RUBCN: variants seen among roughly 807,000 people sequenced by gnomAD.
The protein encoded by RUBCN is run domain Beclin-1-interacting and cysteine-rich domain-containing protein.
Under a neutral mutation model 113.2 loss-of-function variants are expected in RUBCN, and 74 were observed. That is an observed-to-expected ratio of 0.65 (90% confidence interval 0.54 to 0.79). The LOEUF (loss-of-function observed/expected upper bound fraction) is 0.79. RUBCN is among the 30% of genes least tolerant of loss of function. The pLI is 0.00. For synonymous variants in RUBCN, 480 were observed against 490.0 expected (o/e 0.98, Z 0.27); for missense variants, 1,109 against 1,251.7 (o/e 0.89, Z 1.72).
At chr3:197,676,201 G>GA (rs1241863247) in intron 18 of RUBCN, 3 of 989,910 alleles carry the variant, frequency 3.0e-6, no homozygotes, top group Non-Finnish European at 3.6e-6. Context: ...TTAGAGCCAA[G>GA]AAAATCGAGG....
chr3:197,690,308 G>A (rs186838792), intron 11 of RUBCN, among the ~76,000 whole-genome samples: 4 of 152,242 alleles, frequency 2.6e-5, no homozygotes, highest in Admixed American at 2.6e-4. Flanking sequence ...TGTGGTGGCA[G>A]CTGCCTGTAG....
chr3:197,717,419 G>A (rs1725664682), intron 2 of RUBCN, among the ~76,000 whole-genome samples: 1 of 151,764 alleles, frequency 6.6e-6, no homozygotes, highest in Admixed American at 6.6e-5. Context: ...ACTCCAGCCT[G>A]GGTGACAGAG....
At chr3:197,725,369 GCTC>G (rs1396489478) in intron 1 of RUBCN, among the ~76,000 whole-genome samples, 1 of 151,708 alleles carries the variant, frequency 6.6e-6, no homozygotes, top group Non-Finnish European at 1.5e-5. Flanking sequence ...AGTTGAATGT[GCTC>G]CTTTTTACAT....
intron 2 of RUBCN, among the ~76,000 whole-genome samples, chr3:197,705,660 T>C (rs1724221417): frequency 6.6e-6 from 1 of 150,996 alleles, no homozygotes; most frequent in Non-Finnish European, 1.5e-5. Flanking sequence ...TTGTTAAAGA[T>C]TATTTTAACC....
chr3:197,682,174 G>A (rs1287127913), intron 14 of RUBCN, among the ~76,000 whole-genome samples: 1 of 152,076 alleles, frequency 6.6e-6, no homozygotes, highest in Non-Finnish European at 1.5e-5. Context: ...CAGGAGAGAA[G>A]AGCATCCATC....
In RUBCN at chr3:197,736,729, T is replaced by A; in HGVS notation, c.-10A>T. The A allele has an allele frequency of 3.9e-6, 6 of 1,528,450 alleles. No individual in the cohort carries two copies. The highest frequency in any genetic ancestry group is 5.2e-6 in the Non-Finnish European group (6 of 1,144,578). 94.7% of individuals were successfully genotyped at this position (1,528,450 alleles called of 1,614,324 possible). A position where few individuals can be genotyped will look rare whatever the true frequency, so the allele number is the denominator to read the frequency against. On this transcript the variant is annotated 5_prime_UTR_variant, in exon 1 of 20. Transcript: ENST00000296343. ...CGCCCTCCGGCCGCATCCGGGGCGG[T>A]GAGGCCGCCTCTTCGCCCAAGAGAG...
At chr3:197,742,946 C>G (rs1323677362) in intron 1 of RUBCN, among the ~76,000 whole-genome samples, 12 of 152,202 alleles carry the variant, frequency 7.9e-5, no homozygotes, top group Admixed American at 7.9e-4. Context: ...CAATCTAGAA[C>G]CCCTGGTGGT....
intron 1 of RUBCN, among the ~76,000 whole-genome samples, chr3:197,729,213 T>C (rs1314056446): frequency 6.6e-6 from 1 of 151,860 alleles, no homozygotes; most frequent in East Asian, 1.9e-4. Context: ...CTGTTTTCAA[T>C]GGGAAAACCA....
rs1723948646 is a variant in RUBCN, at chr3:197,703,584, G to C, written c.534C>G (p.Asn178Lys). 2 of 1,613,738 alleles carry C rather than the reference G, an allele frequency of 1.2e-6. No homozygotes were observed. Among genetic ancestry groups the C allele is most frequent in the Non-Finnish European group, 1.7e-6 (2 of 1,179,854 alleles). Residue 178 changes from asparagine to lysine, a missense_variant, in exon 5 of 20, where the codon AAC becomes AAG. Physicochemically the swap from Asn to Lys is moderately conservative, Grantham distance 94 (BLOSUM62 0). Around this residue, in one of 3 missense-constraint regions of RUBCN, gnomAD observed 736 missense variants for 779.6 expected, o/e 0.94. Coordinates refer to ENST00000296343, the MANE Select transcript of RUBCN (RefSeq NM_014687.4). ...MLQCLEAVEQ[N>K]NPRLLAQIDA... ...CGATCTGAGCCAGGAGGCGGGGGTT[G>C]TTCTGTTCCACTGCTTCCAGGCACT...
intron 7 of RUBCN, among the ~76,000 whole-genome samples, chr3:197,698,078 A>G (rs969517415): frequency 6.6e-6 from 1 of 152,206 alleles, no homozygotes; most frequent in African/African-American, 2.4e-5. Flanking sequence ...AGCACACAAC[A>G]CAAACTCCAA....
At position 197,691,074 on chromosome 3, in the gene RUBCN, C is replaced by T. The variant is rs1221574626; in HGVS notation, c.1786+2641G>A. 3 of 1,288,510 alleles carry T rather than the reference C, an allele frequency of 2.3e-6. No homozygotes were observed. The Admixed American group carries it at 6.9e-5, about 30-fold the overall frequency. The allele number at this position is 1,288,510 out of a possible 1,614,324, so 79.8% of individuals were successfully genotyped here. A position where few individuals can be genotyped will look rare whatever the true frequency, so the allele number is the denominator to read the frequency against. On this transcript the variant is annotated intron_variant, in intron 11 of 19. Transcript: ENST00000296343. ...CATCCACGCTTGCAAAGTAGGCTAC[C>T]TGAGAACATCGAGGCCAGTGACACT... is the stretch of plus-strand genomic sequence containing the variant.
chr3:197,731,822 G>C (rs1451024359), intron 1 of RUBCN, among the ~76,000 whole-genome samples: 1 of 151,606 alleles, frequency 6.6e-6, no homozygotes, highest in Non-Finnish European at 1.5e-5. Flanking sequence ...CTCCCTCCGG[G>C]ACAGGGCGGC....
intron 7 of RUBCN, 97 bp from the exon 8 acceptor site, chr3:197,697,146 C>T: frequency 1.4e-6 from 1 of 708,844 alleles, no homozygotes; most frequent in South Asian, 1.4e-5. Flanking sequence ...GCACCCCTTC[C>T]CAAAGCCCTC....
chr3:197,731,385 T>C (rs1347947330), intron 1 of RUBCN, among the ~76,000 whole-genome samples: 1 of 152,204 alleles, frequency 6.6e-6, no homozygotes, highest in East Asian at 1.9e-4. Flanking sequence ...AAGTCTCCCA[T>C]GTCTACCTCT....
chr3:197,698,984 T>C (rs953929038), intron 7 of RUBCN, among the ~76,000 whole-genome samples: 2 of 152,148 alleles, frequency 1.3e-5, no homozygotes, highest in African/African-American at 4.8e-5. Flanking sequence ...CCAGAAGCTG[T>C]TGAGAGACTG....
At chr3:197,742,076 T>G (rs2109022991) in intron 1 of RUBCN, among the ~76,000 whole-genome samples, 1 of 151,950 alleles carries the variant, frequency 6.6e-6, no homozygotes, top group Non-Finnish European at 1.5e-5. Flanking sequence ...TTTGTATTTT[T>G]AGTAGAGACG....
At chr3:197,696,806 G>T (rs1723060134) in intron 8 of RUBCN, 148 bp downstream of exon 8, 1 of 627,214 alleles carries the variant, frequency 1.6e-6, no homozygotes, top group Non-Finnish European at 2.9e-6. Context: ...TCTAGCACGG[G>T]GGTTAAAAAT....
intron 11 of RUBCN, among the ~76,000 whole-genome samples, chr3:197,686,466 C>T (rs1460375443): frequency 6.6e-6 from 1 of 152,194 alleles, no homozygotes; most frequent in Admixed American, 6.5e-5. Context: ...GAAGCACACT[C>T]GTCAAAGGGG....
chr3:197,690,100 C>T (rs1355897738), intron 11 of RUBCN, among the ~76,000 whole-genome samples: 1 of 152,216 alleles, frequency 6.6e-6, no homozygotes, highest in Non-Finnish European at 1.5e-5. Context: ...TCTAATCTTA[C>T]ACAATTATTT....
Sources: gnomAD v4.1 joint callset for allele counts (sites outside exome capture counted in the v4.1 genomes callset) on GRCh38, gnomAD v4.1.1 for gene constraint, gnomAD v4.1.1 regional missense constraint, MANE v1.5 for transcripts, NCBI Gene and HGNC (gene_info 2026-07-23, HGNC 2026-07-21) for gene names.